SORCS2: variants seen among roughly 807,000 people sequenced by gnomAD.
SORCS2 encodes the protein sortilin related VPS10 domain containing receptor 2, also known as VPS10 domain-containing receptor SorCS2.
A neutral mutation model predicts 141.6 loss-of-function variants in SORCS2; 100 were observed. The observed-to-expected ratio is 0.71, with a 90% CI of 0.60 to 0.83. SORCS2 has a LOEUF of 0.83. Among genes scored for constraint, SORCS2 ranks in the 40% least tolerant of loss-of-function variants. The probability of loss-of-function intolerance (pLI) is 0.00; values close to 1 mark genes in which losing one functional copy is unlikely to be tolerated. For synonymous variants in SORCS2, 789 were observed against 676.9 expected, an observed-to-expected ratio of 1.17 and a Z score of -2.57; for missense variants, 1,646 against 1,560.2, an observed-to-expected ratio of 1.05 and a Z score of -0.93.
chr4:7,388,019 T>C (rs942106957), intron 1 of SORCS2, among the ~76,000 whole-genome samples: 21 of 88,086 alleles, frequency 2.4e-4, no homozygotes, highest in African/African-American at 9.9e-4. Flanking sequence ...TGCATACAGA[T>C]ACACAGATAC....
chr4:7,411,530 T>C (rs1328341705), intron 2 of SORCS2, among the ~76,000 whole-genome samples: 2 of 152,010 alleles, frequency 1.3e-5, no homozygotes, highest in Non-Finnish European at 2.9e-5. Context: ...TCCCTCCTTC[T>C]CATTCTTCCT....
intron 1 of SORCS2, among the ~76,000 whole-genome samples, chr4:7,203,999 T>C (rs1431024625): frequency 6.6e-6 from 1 of 152,178 alleles, no homozygotes; most frequent in Non-Finnish European, 1.5e-5. Context: ...ATTTCCTTCC[T>C]TTTTTTACGG....
intron 2 of SORCS2, among the ~76,000 whole-genome samples, chr4:7,451,152 GT>G (rs1204347456): frequency 2.6e-5 from 4 of 152,228 alleles, no homozygotes; most frequent in African/African-American, 9.7e-5. Context: ...GAAAGAATGA[GT>G]GAGTGAATCA....
chr4:7,346,474 G>A (rs1178986446), intron 1 of SORCS2, among the ~76,000 whole-genome samples: 1 of 152,158 alleles, frequency 6.6e-6, no homozygotes, highest in African/African-American at 2.4e-5. Flanking sequence ...CTATCCAGGA[G>A]AATGTTTTAT....
chr4:7,225,868 C>T (rs1162640750), intron 1 of SORCS2, among the ~76,000 whole-genome samples: 1 of 152,130 alleles, frequency 6.6e-6, no homozygotes, highest in South Asian at 2.1e-4. Flanking sequence ...CGAGGGGGTT[C>T]CTGCAGAGAA....
At chr4:7,269,594 A>G (rs1207359100) in intron 1 of SORCS2, among the ~76,000 whole-genome samples, 1 of 152,226 alleles carries the variant, frequency 6.6e-6, no homozygotes, top group East Asian at 1.9e-4. Flanking sequence ...GGAGAAGGCT[A>G]TGTGAAGACA....
intron 1 of SORCS2, among the ~76,000 whole-genome samples, chr4:7,243,887 T>C (rs940375700): frequency 1.3e-5 from 2 of 152,072 alleles, no homozygotes; most frequent in East Asian, 3.9e-4. Flanking sequence ...TCACATGCAT[T>C]CCCCTCTCCC....
intron 1 of SORCS2, among the ~76,000 whole-genome samples, chr4:7,216,828 GC>G (rs747961951): frequency 1.9e-4 from 29 of 152,108 alleles, no homozygotes; most frequent in South Asian, 6.2e-4. Context: ...CTTCTTGGGG[GC>G]TGAGATCAGC....
At chr4:7,478,689 G>A (rs1455499059) in intron 2 of SORCS2, among the ~76,000 whole-genome samples, 2 of 152,144 alleles carry the variant, frequency 1.3e-5, no homozygotes, top group African/African-American at 4.8e-5. Flanking sequence ...CCTGAGTGTG[G>A]GTGCCCGATC....
chr4:7,592,970 A>G (rs2108777722), intron 3 of SORCS2, among the ~76,000 whole-genome samples: 1 of 152,302 alleles, frequency 6.6e-6, no homozygotes, highest in Non-Finnish European at 1.5e-5. Context: ...TGTGTGTGTG[A>G]CAACGTATCC....
intron 1 of SORCS2, among the ~76,000 whole-genome samples, chr4:7,211,388 A>ATTAT (rs1281013989): frequency 4.6e-5 from 7 of 151,984 alleles, no homozygotes; most frequent in Admixed American, 3.3e-4. Context: ...TGATTGATTG[A>ATTAT]TTATTTATTT....
At chr4:7,464,785 G>A (rs541905668) in intron 2 of SORCS2, among the ~76,000 whole-genome samples, 2 of 152,346 alleles carry the variant, frequency 1.3e-5, no homozygotes, top group East Asian at 3.9e-4. Context: ...CGGCACTATG[G>A]AATGTACTTG....
At chr4:7,239,837 A>G (rs1293155721) in intron 1 of SORCS2, among the ~76,000 whole-genome samples, 2 of 152,260 alleles carry the variant, frequency 1.3e-5, no homozygotes, top group South Asian at 2.1e-4. Context: ...TAAAAGCCCA[A>G]GAATTTGTCA....
intron 1 of SORCS2, among the ~76,000 whole-genome samples, chr4:7,225,653 G>A (rs183272004): frequency 5.6e-4 from 85 of 152,278 alleles, no homozygotes; most frequent in Middle Eastern, 3.4e-3. Context: ...CTGCTAGACT[G>A]GGCTGGAGCT....
chr4:7,674,561 G>C (rs1401323693), intron 8 of SORCS2, among the ~76,000 whole-genome samples: 3 of 136,968 alleles, frequency 2.2e-5, no homozygotes, highest in Non-Finnish European at 4.6e-5. Context: ...GCGACAGAGC[G>C]AGACTCTGTC....
chr4:7,312,463 C>T (rs1379634753), intron 1 of SORCS2, among the ~76,000 whole-genome samples: 1 of 150,474 alleles, frequency 6.6e-6, no homozygotes, highest in African/African-American at 2.4e-5. Flanking sequence ...CCCTTGGCCC[C>T]CTTTCTGTTC....
At chr4:7,371,688 A>AATT (rs1722258190) in intron 1 of SORCS2, among the ~76,000 whole-genome samples, 1 of 152,130 alleles carries the variant, frequency 6.6e-6, no homozygotes, top group African/African-American at 2.4e-5. Context: ...CTTGTGGATG[A>AATT]ACTGAGCTGC....
chr4:7,503,613 A>T (rs1480714018), intron 2 of SORCS2, among the ~76,000 whole-genome samples: 2 of 152,176 alleles, frequency 1.3e-5, no homozygotes, highest in Non-Finnish European at 2.9e-5. Context: ...TGGAGAGGGT[A>T]TACCCAGGAT....
Position 7,274,206 on chromosome 4 carries a change from C to T in SORCS2, c.480+81080C>T, listed in dbSNP as rs114721070. ...ACGTTAGACTGGGAACCCCTTTCCC[C>T]ATAGGCAGATGCTGTGAAGTACTGA... On this transcript the variant is annotated intron_variant, in intron 1 of 26. Transcript: ENST00000507866. 6.4e-3 allele frequency among the ~76,000 whole-genome samples: 979 copies of T among 152,354 alleles called. 12 individuals are homozygous for T. Among genetic ancestry groups the T allele is most frequent in the African/African-American group, 0.023 (938 of 41,570 alleles).
Sources: gnomAD v4.1 joint callset for allele counts (sites outside exome capture counted in the v4.1 genomes callset) on GRCh38, gnomAD v4.1.1 for gene constraint, MANE v1.5 for transcripts, NCBI Gene and HGNC (gene_info 2026-07-23, HGNC 2026-07-21) for gene names.